FILIP1: variants seen among roughly 807,000 people sequenced by gnomAD.
FILIP1 encodes the protein filamin-A-interacting protein 1.
Under a neutral mutation model 102.1 loss-of-function variants are expected in FILIP1, and 61 were observed. That is an observed-to-expected ratio of 0.60 (90% CI 0.49 to 0.74). FILIP1 has a LOEUF of 0.74. Among genes scored for constraint, FILIP1 ranks in the 30% least tolerant of loss-of-function variants. The probability of loss-of-function intolerance (pLI) is 0.00; values close to 1 mark genes in which losing one functional copy is unlikely to be tolerated. For missense variants in FILIP1, 1,314 were observed against 1,441.2 expected, an observed-to-expected ratio of 0.91 and a Z score of 1.43; for synonymous variants, 491 against 526.9, an observed-to-expected ratio of 0.93 and a Z score of 0.93.
At chr6:75,342,994 T>C (rs190960370) in intron 4 of FILIP1, among the ~76,000 whole-genome samples, 68 of 152,348 alleles carry the variant, frequency 4.5e-4, no homozygotes, top group East Asian at 1.3e-3. Context: ...AAAATCCATA[T>C]GCTGAAGCCC....
chr6:75,394,503 TGA>T (rs1776396064), intron 2 of FILIP1, among the ~76,000 whole-genome samples: 1 of 152,010 alleles, frequency 6.6e-6, no homozygotes, highest in Non-Finnish European at 1.5e-5. Flanking sequence ...ATAAAAATAA[TGA>T]GATAGGAAAA....
chr6:75,318,113 A>G (rs1051322127), intron 4 of FILIP1, among the ~76,000 whole-genome samples: 5 of 151,760 alleles, frequency 3.3e-5, no homozygotes, highest in African/African-American at 4.9e-5. Context: ...GTCACACTCA[A>G]CTGAATGTTC....
chr6:75,456,065 T>A (rs999596598), intron 1 of FILIP1, among the ~76,000 whole-genome samples: 4 of 152,198 alleles, frequency 2.6e-5, no homozygotes. Context: ...CACATCCTCC[T>A]AGGCCCTACT....
At chr6:75,463,993 T>G (rs1239947083) in intron 1 of FILIP1, among the ~76,000 whole-genome samples, 1 of 152,150 alleles carries the variant, frequency 6.6e-6, no homozygotes, top group Non-Finnish European at 1.5e-5. Flanking sequence ...ATCAAAACCA[T>G]GAAAAACTAT....
chr6:75,470,715 G>A (rs1779303133), intron 1 of FILIP1, among the ~76,000 whole-genome samples: 1 of 152,054 alleles, frequency 6.6e-6, no homozygotes, highest in Non-Finnish European at 1.5e-5. Context: ...ATAAAAGTTT[G>A]ATTTTATCTT....
intron 1 of FILIP1, chr6:75,455,067 C>G (rs78095789): frequency 0.051 from 7,685 of 150,346 alleles, 506 homozygotes; most frequent in African/African-American, 0.15. Flanking sequence ...AAAGAACAGA[C>G]TGGTTAAGGA....
At chr6:75,409,534 A>G (rs1776983537) in intron 2 of FILIP1, among the ~76,000 whole-genome samples, 1 of 152,132 alleles carries the variant, frequency 6.6e-6, no homozygotes, top group African/African-American at 2.4e-5. Context: ...CAAGGATGAT[A>G]ATAATCCCTC....
At chr6:75,296,928 CTTCA>C (rs1345576499) in intron 6 of FILIP1, 2 of 152,068 alleles carry the variant, frequency 1.3e-5, no homozygotes, top group African/African-American at 4.8e-5. Context: ...GTATGACTCA[CTTCA>C]TTCAGTCATT....
chr6:75,307,317 T>C (rs1053334153), downstream of FILIP1, among the ~76,000 whole-genome samples: 2 of 152,232 alleles, frequency 1.3e-5, no homozygotes, highest in Non-Finnish European at 2.9e-5. Flanking sequence ...GATAAAAATC[T>C]AATCATACAT....
chr6:75,442,028 C>A (rs990118795), intron 1 of FILIP1, among the ~76,000 whole-genome samples: 4 of 151,828 alleles, frequency 2.6e-5, no homozygotes, highest in Non-Finnish European at 5.9e-5. Context: ...GGGCTCCTCA[C>A]TTCTGGGACG....
chr6:75,410,231 C>T (rs552993569), intron 2 of FILIP1, among the ~76,000 whole-genome samples: 2 of 152,204 alleles, frequency 1.3e-5, no homozygotes, highest in South Asian at 2.1e-4. Context: ...TCACTAAATG[C>T]TCCATACATA....
chr6:75,320,000 G>C (rs1413395757), intron 4 of FILIP1: 1 of 318,428 alleles, frequency 3.1e-6, no homozygotes, highest in African/African-American at 2.2e-5. Context: ...TTTTTCTTCA[G>C]CAAGGCAGAG....
chr6:75,354,881 T>C (rs964104219), intron 3 of FILIP1, among the ~76,000 whole-genome samples: 3 of 152,262 alleles, frequency 2.0e-5, no homozygotes, highest in Non-Finnish European at 4.4e-5. Context: ...TGCAGCTATA[T>C]GCATTTCTAG....
chr6:75,322,911 C>T (rs1489408580), intron 4 of FILIP1, among the ~76,000 whole-genome samples: 1 of 152,160 alleles, frequency 6.6e-6, no homozygotes, highest in Non-Finnish European at 1.5e-5. Context: ...CCAGGCTGGT[C>T]TAAAACTCCT....
At chr6:75,411,751 C>T (rs78076546) in intron 2 of FILIP1, among the ~76,000 whole-genome samples, 7,321 of 152,054 alleles carry the variant, frequency 0.048, 598 homozygotes, top group African/African-American at 0.17. Flanking sequence ...TTTCTGAGGC[C>T]TCTGTTCTGT....
chr6:75,454,033 C>A, intron 1 of FILIP1: 2 of 456,536 alleles, frequency 4.4e-6, no homozygotes, highest in South Asian at 3.1e-5. Context: ...ACAGTTTCTG[C>A]AGATCAGAAG....
chr6:75,467,154 T>G (rs999327242), intron 1 of FILIP1, among the ~76,000 whole-genome samples: 3 of 152,240 alleles, frequency 2.0e-5, no homozygotes, highest in Non-Finnish European at 2.9e-5. Flanking sequence ...ATCCTCTAAA[T>G]CCAACAGAAC....
At chr6:75,491,109 C>T (rs1779943441) in intron 1 of FILIP1, among the ~76,000 whole-genome samples, 1 of 152,124 alleles carries the variant, frequency 6.6e-6, no homozygotes, top group East Asian at 1.9e-4. Flanking sequence ...TAGAAAGAAT[C>T]ACTTCTAAAA....
At chr6:75,332,775 C>T (rs1462820668) in intron 4 of FILIP1, among the ~76,000 whole-genome samples, 1 of 152,108 alleles carries the variant, frequency 6.6e-6, no homozygotes, top group Non-Finnish European at 1.5e-5. Context: ...GAGCCTTTCC[C>T]CCATGGAAGG....
Sources: allele counts gnomAD v4.1 joint callset (sites outside exome capture counted in the v4.1 genomes callset), GRCh38; gene constraint gnomAD v4.1.1; transcripts MANE v1.5; gene names NCBI Gene and HGNC (gene_info 2026-07-23, HGNC 2026-07-21).